Variants in ITGA9 observed in about 807,000 individuals in gnomAD.
ITGA9 encodes integrin subunit alpha 9.
Under a neutral mutation model 127.8 loss-of-function variants are expected in ITGA9, and 56 were observed. The observed-to-expected ratio is 0.44, with a 90% CI of 0.35 to 0.55. ITGA9 has a LOEUF of 0.55. Ranked by LOEUF, ITGA9 falls within the 20% of genes least tolerant of loss-of-function variation. The pLI is 0.00. For missense variants in ITGA9, 1,196 were observed against 1,347.1 expected, an observed-to-expected ratio of 0.89 and a Z score of 1.76; for synonymous variants, 508 against 514.5, an observed-to-expected ratio of 0.99 and a Z score of 0.17.
At chr3:37,606,970 CTTTTTTTTTTTT>C (rs11306321) in intron 15 of ITGA9, among the ~76,000 whole-genome samples, 1 of 103,778 alleles carries the variant, frequency 9.6e-6, no homozygotes, top group African/African-American at 3.7e-5. Context: ...CTCATGGCTC[CTTTTTTTTTTTT>C]TTTTTTTTTT....
At chr3:37,649,116 C>CA (rs34729329) in intron 16 of ITGA9, among the ~76,000 whole-genome samples, 1,093 of 83,122 alleles carry the variant, frequency 0.013, 7 homozygotes, top group African/African-American at 0.026. Context: ...CCTATCGATA[C>CA]AAAAAAAAAA....
chr3:37,596,490 C>T (rs1699872161), intron 15 of ITGA9, among the ~76,000 whole-genome samples: 1 of 152,122 alleles, frequency 6.6e-6, no homozygotes, highest in Non-Finnish European at 1.5e-5. Flanking sequence ...AGGTCTAGCT[C>T]CTGAGAGCTA....
chr3:37,682,057 A>G (rs554372947), intron 17 of ITGA9, among the ~76,000 whole-genome samples: 2 of 152,184 alleles, frequency 1.3e-5, no homozygotes, highest in African/African-American at 2.4e-5. Flanking sequence ...TCTCTAATGG[A>G]TCATTCCCAT....
intron 17 of ITGA9, among the ~76,000 whole-genome samples, chr3:37,659,967 T>C (rs1177762992): frequency 6.9e-6 from 1 of 145,036 alleles, no homozygotes; most frequent in African/African-American, 2.6e-5. Flanking sequence ...TTGAGTTTAC[T>C]GGAGGAAGAT....
At chr3:37,742,494 C>T (rs1429807144) in intron 21 of ITGA9, among the ~76,000 whole-genome samples, 4 of 152,194 alleles carry the variant, frequency 2.6e-5, no homozygotes, top group Admixed American at 2.6e-4. Context: ...AGTTTTCAAC[C>T]AAAGCCCCAG....
chr3:37,602,124 A>G (rs1472253926), intron 15 of ITGA9, among the ~76,000 whole-genome samples: 1 of 152,214 alleles, frequency 6.6e-6, no homozygotes, highest in Non-Finnish European at 1.5e-5. Flanking sequence ...CCCACCTCCA[A>G]CACTGGAGAT....
chr3:37,477,282 G>A (rs1197491742), intron 3 of ITGA9, among the ~76,000 whole-genome samples: 2 of 152,188 alleles, frequency 1.3e-5, no homozygotes, highest in East Asian at 3.8e-4. Flanking sequence ...TCCAAGGTTG[G>A]GTTTGAAGAG....
intron 18 of ITGA9, among the ~76,000 whole-genome samples, chr3:37,694,167 C>G (rs1422267540): frequency 6.6e-6 from 1 of 152,242 alleles, no homozygotes; most frequent in Non-Finnish European, 1.5e-5. Flanking sequence ...AACACAACAG[C>G]AAGCTCTTTA....
chr3:37,733,290 C>G (rs1696319292), intron 19 of ITGA9, among the ~76,000 whole-genome samples: 1 of 152,030 alleles, frequency 6.6e-6, no homozygotes, highest in Non-Finnish European at 1.5e-5. Context: ...GAAATTAAGT[C>G]ACTTTGGTAT....
At chr3:37,752,330 A>G (rs543649343) in intron 23 of ITGA9, among the ~76,000 whole-genome samples, 2 of 152,318 alleles carry the variant, frequency 1.3e-5, no homozygotes, top group East Asian at 3.9e-4. Flanking sequence ...AGGAGAAACC[A>G]GCACTCATTC....
chr3:37,748,137 A>G, intron 22 of ITGA9: 1 of 492,228 alleles, frequency 2.0e-6, no homozygotes, highest in Admixed American at 2.1e-5. Context: ...GAAAGAGGAA[A>G]GGCACCTGAT....
chr3:37,618,405 G>T (rs966204827), intron 15 of ITGA9, among the ~76,000 whole-genome samples: 1 of 152,198 alleles, frequency 6.6e-6, no homozygotes, highest in Non-Finnish European at 1.5e-5. Context: ...GCTACTCGGG[G>T]GCCAGGGACC....
At position 37,483,565 on chromosome 3, in the gene ITGA9, G is replaced by T. The variant is rs1217308323; in HGVS notation, c.544+1958G>T. Among the ~76,000 whole-genome samples, 5 of 152,228 alleles carry T rather than the reference G, an allele frequency of 3.3e-5. No individual in the cohort carries two copies. The East Asian group carries it at 9.6e-4, about 29-fold the overall frequency. Reference sequence around the variant, plus strand: ...CTCAGCACGTTACCTGGGCGAGTGGGTGCAGTCTCTGGGGTGGGTGCTGGG... The same window carrying T: ...CTCAGCACGTTACCTGGGCGAGTGGTTGCAGTCTCTGGGGTGGGTGCTGGG... On this transcript the variant is annotated intron_variant, in intron 4 of 27. Coordinates refer to ENST00000264741, the MANE Select transcript of ITGA9 (RefSeq NM_002207.3).
intron 15 of ITGA9, among the ~76,000 whole-genome samples, chr3:37,576,239 T>A (rs1291741035): frequency 5.3e-5 from 8 of 152,206 alleles, no homozygotes; most frequent in Non-Finnish European, 1.0e-4. Flanking sequence ...CACACAGGGC[T>A]AGGGGAACTG....
intron 26 of ITGA9, among the ~76,000 whole-genome samples, chr3:37,803,497 C>T (rs6771094): frequency 3.3e-5 from 5 of 152,176 alleles, no homozygotes; most frequent in African/African-American, 7.2e-5. Context: ...GTTTAGGAAA[C>T]GTTTTCAGCT....
At chr3:37,776,930 T>G (rs1016505762) in intron 23 of ITGA9, among the ~76,000 whole-genome samples, 4 of 152,158 alleles carry the variant, frequency 2.6e-5, no homozygotes, top group Non-Finnish European at 5.9e-5. Flanking sequence ...CTAGAATGGT[T>G]GAAAACCTCT....
intron 18 of ITGA9, among the ~76,000 whole-genome samples, chr3:37,730,408 G>A (rs1451343652): frequency 1.3e-5 from 2 of 151,912 alleles, no homozygotes; most frequent in African/African-American, 2.4e-5. Context: ...GTAGGGAAAG[G>A]CCATCTATGG....
At chr3:37,760,306 A>G (rs766692266) in intron 23 of ITGA9, among the ~76,000 whole-genome samples, 4 of 152,024 alleles carry the variant, frequency 2.6e-5, no homozygotes, top group Admixed American at 6.6e-5. Flanking sequence ...GAAATGAACA[A>G]TTCATTAGAG....
At chr3:37,535,965 T>G (rs1262723487) in intron 14 of ITGA9, among the ~76,000 whole-genome samples, 1 of 151,904 alleles carries the variant, frequency 6.6e-6, no homozygotes, top group African/African-American at 2.4e-5. Context: ...GCAGGCCTTA[T>G]GGAAATGTGA....
Sources: gnomAD v4.1 joint callset for allele counts (sites outside exome capture counted in the v4.1 genomes callset) on GRCh38, gnomAD v4.1.1 for gene constraint, MANE v1.5 for transcripts, NCBI Gene and HGNC (gene_info 2026-07-23, HGNC 2026-07-21) for gene names.